Variants in PCDH11X observed in about 807,000 individuals in gnomAD.
The protein encoded by PCDH11X is protocadherin-11 X-linked.
A neutral mutation model predicts 53.3 loss-of-function variants in PCDH11X; 18 were observed. The observed-to-expected ratio is 0.34, with a 90% CI of 0.23 to 0.50. The LOEUF (loss-of-function observed/expected upper bound fraction) is 0.50, where lower values mean the gene tolerates loss of function less well. PCDH11X is among the 20% of genes least tolerant of loss of function. PCDH11X has a pLI of 0.98. For missense variants in PCDH11X, 570 were observed against 1,032.4 expected (o/e 0.55, Z 6.14); for synonymous variants, 279 against 393.3 (o/e 0.71, Z 3.44).
chrX:92,485,163 A>G (rs1314725035), intron 10 of PCDH11X, among the ~76,000 whole-genome samples: 2 of 110,712 alleles, frequency 1.8e-5, no homozygotes, highest in Non-Finnish European at 3.8e-5. Flanking sequence ...TATTTGGAGC[A>G]ATCTTTCATT....
intron 9 of PCDH11X, among the ~76,000 whole-genome samples, chrX:92,433,121 G>A (rs1371236594): frequency 1.8e-5 from 2 of 110,609 alleles, no homozygotes; most frequent in African/African-American, 6.5e-5. Context: ...TTTGTTGTTC[G>A]TTTTGCTTTT....
chrX:92,598,918 G>A (rs1489710960), intron 10 of PCDH11X, among the ~76,000 whole-genome samples: 5 of 107,423 alleles, frequency 4.7e-5, no homozygotes, highest in South Asian at 4.2e-4. Context: ...ATCATATTAA[G>A]TGAAATAAGC....
chrX:92,619,899 A>AAACTC lies in PCDH11X; in HGVS notation c.*961_*965dup, dbSNP rs1305077572. On this transcript the variant is annotated 3_prime_UTR_variant, in exon 11 of 11. Transcript: ENST00000682573. Reference sequence around the variant, plus strand: ...GACGGTAAACTACTATTTTGTAGAGAAACTCAGGAAGATTTAAATGTTGAT... The same window carrying AAACTC: ...GACGGTAAACTACTATTTTGTAGAGAAACTCAACTCAGGAAGATTTAAATGTTGAT... 2.8e-5 allele frequency: 3 copies of AAACTC among 107,987 alleles called. No homozygotes were observed. In the Admixed American group the frequency reaches 3.0e-4, roughly 11 times the overall value. The allele number at this position is 107,987 out of a possible 1,213,427, so 8.9% of individuals were successfully genotyped here.
chrX:91,983,472 T>C, intron 6 of PCDH11X: 1 of 557,778 alleles, frequency 1.8e-6, no homozygotes, highest in South Asian at 2.4e-5. Flanking sequence ...CTGGCAGACT[T>C]GCCAAGATTG....
chrX:92,370,913 T>C (rs1399481337), intron 8 of PCDH11X, among the ~76,000 whole-genome samples: 1 of 112,299 alleles, frequency 8.9e-6, no homozygotes, highest in Non-Finnish European at 1.9e-5. Context: ...GCATGTATGC[T>C]AATAATTATA....
At chrX:92,585,269 G>A (rs1374903341) in intron 10 of PCDH11X, among the ~76,000 whole-genome samples, 4 of 110,885 alleles carry the variant, frequency 3.6e-5, no homozygotes, top group South Asian at 3.8e-4. Flanking sequence ...CTCCAACACC[G>A]GGGATTACAA....
In PCDH11X at chrX:92,285,172, G is replaced by A. The variant is rs750435256; in HGVS notation, c.3144+22029G>A. ...TTATGATATTAGCAGGCAATATGAT[G>A]CAGACGTGCTGGCAAAATCTATGAT... On this transcript the variant is annotated intron_variant, in intron 8 of 10. Coordinates refer to ENST00000682573, the MANE Select transcript of PCDH11X (RefSeq NM_032968.5). Among the ~76,000 whole-genome samples the A allele has an allele frequency of 1.1e-3, 120 of 107,620 alleles. 1 individual carries two copies. The highest frequency in any genetic ancestry group is 3.9e-3 in the African/African-American group (115 of 29,605). 93.5% of individuals were successfully genotyped at this position (107,620 alleles called of 115,157 possible).
rs749775972 is a variant in PCDH11X, at chrX:91,850,973, G to T, written c.540+14929G>T. On this transcript the variant is annotated intron_variant, in intron 5 of 10. Transcript: ENST00000682573. ...TTTGATATTTGTGACAGCTATTTTA[G>T]GAGAATAAGGGAGATGCAATGTTAT... Among the ~76,000 whole-genome samples, 3 of 111,096 alleles carry T rather than the reference G, an allele frequency of 2.7e-5. No homozygotes were observed. The South Asian group carries it at 1.1e-3, about 42-fold the overall frequency.
chrX:92,090,894 G>A (rs899703021), intron 6 of PCDH11X, among the ~76,000 whole-genome samples: 4 of 112,176 alleles, frequency 3.6e-5, no homozygotes, highest in African/African-American at 1.3e-4. Flanking sequence ...GTTCGTGAGA[G>A]CAGTTCATTA....
chrX:92,240,371 C>T (rs1001298357), intron 7 of PCDH11X, among the ~76,000 whole-genome samples: 1 of 111,858 alleles, frequency 8.9e-6, no homozygotes, highest in African/African-American at 3.2e-5. Flanking sequence ...CTCTGCATCT[C>T]TCTGAGTTCC....
At chrX:92,394,883 G>A (rs1403335561) in intron 9 of PCDH11X, among the ~76,000 whole-genome samples, 1 of 111,567 alleles carries the variant, frequency 9.0e-6, no homozygotes, top group Non-Finnish European at 1.9e-5. Context: ...TCTCATGATT[G>A]CTTTCATCAA....
At chrX:92,196,069 C>G (rs1402629125) in intron 6 of PCDH11X, among the ~76,000 whole-genome samples, 2 of 111,569 alleles carry the variant, frequency 1.8e-5, no homozygotes, top group African/African-American at 6.5e-5. Context: ...GCTTATAGTT[C>G]TTATATTTCT....
intron 10 of PCDH11X, among the ~76,000 whole-genome samples, chrX:92,501,260 A>T (rs772978244): frequency 5.5e-5 from 6 of 110,079 alleles, no homozygotes; most frequent in African/African-American, 2.0e-4. Context: ...AATAAATCAC[A>T]GGACCATACA....
intron 1 of PCDH11X, among the ~76,000 whole-genome samples, chrX:91,800,896 G>A (rs1325002807): frequency 9.3e-6 from 1 of 107,435 alleles, no homozygotes; most frequent in Non-Finnish European, 1.9e-5. Flanking sequence ...TTAAAAAAAG[G>A]TTTATTGCTG....
rs1421014776 is a variant in PCDH11X, at chrX:92,619,598, G to C, written c.*658G>C. On this transcript the variant is annotated 3_prime_UTR_variant, in exon 11 of 11. Coordinates refer to ENST00000682573, the MANE Select transcript of PCDH11X (RefSeq NM_032968.5). ...TTTCAATAAAGAATATGTATAAACT[G>C]TACAGATCTAGATCTACAACCTATT... The C allele has an allele frequency of 9.2e-6, 1 of 108,411 alleles. No individual in the cohort carries two copies. Among genetic ancestry groups the C allele is most frequent in the East Asian group, 2.9e-4 (1 of 3,402 alleles). The allele number at this position is 108,411 out of a possible 1,213,427, so 8.9% of individuals were successfully genotyped here.
intron 6 of PCDH11X, among the ~76,000 whole-genome samples, chrX:92,034,010 T>G (rs2063091843): frequency 9.1e-6 from 1 of 110,442 alleles, no homozygotes; most frequent in Non-Finnish European, 1.9e-5. Context: ...CTTCATTGAC[T>G]CACTGGTAAT....
At chrX:92,101,279 T>G (rs969091699) in intron 6 of PCDH11X, among the ~76,000 whole-genome samples, 2 of 111,141 alleles carry the variant, frequency 1.8e-5, no homozygotes, top group Non-Finnish European at 3.8e-5. Flanking sequence ...ACAGTCTAAG[T>G]TGGTCTGATG....
chrX:91,968,597 TAA>T (rs1238399357), intron 6 of PCDH11X, among the ~76,000 whole-genome samples: 1 of 111,572 alleles, frequency 9.0e-6, no homozygotes, highest in Non-Finnish European at 1.9e-5. Flanking sequence ...CTGAGGCTAA[TAA>T]GACTTTATAA....
At chrX:92,589,617 G>T (rs748122266) in intron 10 of PCDH11X, among the ~76,000 whole-genome samples, 1 of 111,590 alleles carries the variant, frequency 9.0e-6, no homozygotes, top group East Asian at 2.8e-4. Flanking sequence ...AAAGCAAAAA[G>T]CTAAATCATA....
Sources: allele counts gnomAD v4.1 joint callset (sites outside exome capture counted in the v4.1 genomes callset), GRCh38; gene constraint gnomAD v4.1.1; transcripts MANE v1.5; gene names NCBI Gene and HGNC (gene_info 2026-07-23, HGNC 2026-07-21).